HECW2: variants seen among roughly 807,000 people sequenced by gnomAD.
HECW2 encodes E3 ubiquitin-protein ligase HECW2.
A neutral mutation model predicts 175.2 loss-of-function variants in HECW2; 61 were observed. The ratio of observed to expected loss-of-function variants is 0.35; its 90% CI spans 0.28 to 0.43. The LOEUF is 0.43. Ranked by LOEUF, HECW2 falls within the 20% of genes least tolerant of loss-of-function variation. HECW2 has a pLI of 1.00. For synonymous variants in HECW2, 671 were observed against 731.0 expected (o/e 0.92, Z 1.32); for missense variants, 1,524 against 2,000.5 (o/e 0.76, Z 4.54).
intron 15 of HECW2, among the ~76,000 whole-genome samples, chr2:196,274,955 A>C (rs1469594734): frequency 6.6e-6 from 1 of 152,254 alleles, no homozygotes; most frequent in Non-Finnish European, 1.5e-5. Flanking sequence ...AGAAAAAATA[A>C]CACACTGTAC....
intron 2 of HECW2, among the ~76,000 whole-genome samples, chr2:196,375,541 C>T (rs528578895): frequency 6.6e-6 from 1 of 152,290 alleles, no homozygotes; most frequent in South Asian, 2.1e-4. Context: ...CAGCTTGTTA[C>T]CACTGGGTTT....
At chr2:196,315,353 T>C (rs73045952) in intron 10 of HECW2, among the ~76,000 whole-genome samples, 1,671 of 152,252 alleles carry the variant, frequency 0.011, 28 homozygotes, top group African/African-American at 0.038. Flanking sequence ...GGTGGGACAA[T>C]TCTTAGTTGT....
intron 19 of HECW2, among the ~76,000 whole-genome samples, chr2:196,245,935 A>C (rs547896721): frequency 1.3e-5 from 2 of 152,312 alleles, no homozygotes; most frequent in African/African-American, 4.8e-5. Flanking sequence ...ATGTGTAAAG[A>C]CCCAGAATGT....
intron 2 of HECW2, among the ~76,000 whole-genome samples, chr2:196,367,142 G>A (rs538793339): frequency 6.7e-4 from 102 of 152,182 alleles, no homozygotes; most frequent in African/African-American, 2.3e-3. Flanking sequence ...AACAAAATTG[G>A]CATTTATACT....
intron 7 of HECW2, 34 bp from the exon 8 acceptor site, chr2:196,320,473 T>A (rs113456063): frequency 1.7e-5 from 24 of 1,412,646 alleles, no homozygotes; most frequent in Non-Finnish European, 2.3e-5. Context: ...TCATCCTGAC[T>A]ACGCTGGAGT....
intron 1 of HECW2, among the ~76,000 whole-genome samples, chr2:196,506,219 A>C (rs1236206990): frequency 6.6e-6 from 1 of 152,204 alleles, no homozygotes; most frequent in Admixed American, 6.5e-5. Flanking sequence ...CTGGGTTCAG[A>C]TGGCTTTAAA....
chr2:196,331,087 G>C (rs1692341045), intron 4 of HECW2: 3 of 921,072 alleles, frequency 3.3e-6, no homozygotes, highest in East Asian at 1.2e-4. Context: ...TGCCTCCGCT[G>C]TAACTCCTGT....
At position 196,198,872 on chromosome 2, in the gene HECW2, A is replaced by G. The variant is rs1441472406; in HGVS notation, c.*2405T>C. 1 of 152,230 alleles carries G rather than the reference A, an allele frequency of 6.6e-6. No homozygotes were observed. Among genetic ancestry groups the G allele is most frequent in the Admixed American group, 6.5e-5 (1 of 15,286 alleles). 9.4% of individuals were successfully genotyped at this position (152,230 alleles called of 1,614,324 possible). ...TTCTGATATGATAAGTACATCTTTGATAATTCCCAATCTGAGAACAGTATC... is the reference window on the plus strand; with the variant it reads ...TTCTGATATGATAAGTACATCTTTGGTAATTCCCAATCTGAGAACAGTATC... On this transcript the variant is annotated 3_prime_UTR_variant, in exon 29 of 29. Transcript: ENST00000644978.
intron 1 of HECW2, among the ~76,000 whole-genome samples, chr2:196,488,639 C>T (rs576458793): frequency 8.8e-5 from 12 of 136,328 alleles, no homozygotes; most frequent in Non-Finnish European, 1.5e-4. Flanking sequence ...TACACACACA[C>T]ACACACACAC....
In HECW2 at chr2:196,334,410, C is replaced by A; in HGVS notation, c.495+14G>T. ...ATGGATCTCACAAGGAAGCTGGCAGCGAGGGGCACTCACCATCACAGCTGG... is the reference window on the plus strand; with the variant it reads ...ATGGATCTCACAAGGAAGCTGGCAGAGAGGGGCACTCACCATCACAGCTGG... On this transcript the variant is annotated intron_variant, in intron 4 of 28. Transcript: ENST00000644978. 6.3e-7 allele frequency: 1 copy of A among 1,591,534 alleles called. No individual in the cohort carries two copies. The highest frequency in any genetic ancestry group is 8.6e-7 in the Non-Finnish European group (1 of 1,167,326).
chr2:196,437,299 G>GAAGAGAAT (rs1695905986), intron 1 of HECW2, among the ~76,000 whole-genome samples: 1 of 152,124 alleles, frequency 6.6e-6, no homozygotes, highest in South Asian at 2.1e-4. Context: ...CGGTGAAGAT[G>GAAGAGAAT]AAGAGAATCC....
intron 1 of HECW2, among the ~76,000 whole-genome samples, chr2:196,482,986 T>C (rs1266566730): frequency 6.6e-6 from 1 of 152,004 alleles, no homozygotes; most frequent in East Asian, 1.9e-4. Context: ...CTACAACTCG[T>C]TGGCTTACCT....
intron 2 of HECW2, among the ~76,000 whole-genome samples, chr2:196,345,404 TGTGGCCTGGTTCTGCCCA>T (rs1692918722): frequency 6.6e-6 from 1 of 152,340 alleles, no homozygotes; most frequent in East Asian, 1.9e-4. Flanking sequence ...AATGGTGACA[TGTGGCCTGGTTCTGCCCA>T]GTGAAATGTA....
chr2:196,331,680 A>G (rs192346656), intron 4 of HECW2, among the ~76,000 whole-genome samples: 1,618 of 152,310 alleles, frequency 0.011, 22 homozygotes, highest in Non-Finnish European at 0.015. Flanking sequence ...CCTCTGGCAA[A>G]AGGCTTCCTG....
chr2:196,504,312 A>C lies in HECW2; in HGVS notation c.-35-70854T>G, dbSNP rs546661279. Reference sequence around the variant, plus strand: ...CTCTGTCTCAAAAAAAAAAAAAAAAAAAGCTGGTGGAGGCCATGCAATGAC... The same window carrying C: ...CTCTGTCTCAAAAAAAAAAAAAAAACAAGCTGGTGGAGGCCATGCAATGAC... On this transcript the variant is annotated intron_variant, in intron 1 of 28. Coordinates refer to ENST00000644978, the MANE Select transcript of HECW2 (RefSeq NM_001348768.2). Among the ~76,000 whole-genome samples, 521 of 151,586 alleles carry C rather than the reference A, an allele frequency of 3.4e-3. 7 individuals are homozygous for C. Among genetic ancestry groups the C allele is most frequent in the African/African-American group, 0.012 (481 of 41,338 alleles).
chr2:196,264,332 A>C (rs903164901), intron 17 of HECW2: 2 of 152,234 alleles, frequency 1.3e-5, no homozygotes, highest in Admixed American at 6.5e-5. Context: ...GAGTTACTAA[A>C]GGAAAATGAC....
At chr2:196,210,573 A>AT (rs1322509087) in intron 28 of HECW2, among the ~76,000 whole-genome samples, 1 of 151,606 alleles carries the variant, frequency 6.6e-6, no homozygotes, top group African/African-American at 2.4e-5. Context: ...TTTCTTAGCA[A>AT]TTTTTTGTAA....
intron 14 of HECW2, among the ~76,000 whole-genome samples, chr2:196,283,261 C>CAAA (rs1190850443): frequency 2.0e-4 from 9 of 45,280 alleles, no homozygotes; most frequent in South Asian, 1.2e-3. Context: ...GACTCCATCT[C>CAAA]AAAAAAAAAA....
At chr2:196,309,512 T>C (rs933986888) in intron 10 of HECW2, among the ~76,000 whole-genome samples, 16 of 152,238 alleles carry the variant, frequency 1.1e-4, no homozygotes, top group African/African-American at 3.9e-4. Context: ...AGCAAGTACA[T>C]TAAAGCATCT....
Sources: allele counts gnomAD v4.1 joint callset (sites outside exome capture counted in the v4.1 genomes callset), GRCh38; gene constraint gnomAD v4.1.1; transcripts MANE v1.5; gene names NCBI Gene and HGNC (gene_info 2026-07-23, HGNC 2026-07-21).